The following DNAJB1 variants were observed in gnomAD, a reference collection of about 807,000 sequenced individuals.
DNAJB1 encodes the protein DnaJ heat shock protein family (Hsp40) member B1.
A neutral mutation model predicts 24.0 loss-of-function variants in DNAJB1; 14 were observed. The observed-to-expected ratio is 0.58, with a 90% confidence interval of 0.39 to 0.91. The LOEUF (loss-of-function observed/expected upper bound fraction) is 0.91, where lower values mean the gene tolerates loss of function less well. DNAJB1 is among the 40% of genes least tolerant of loss of function. DNAJB1 has a pLI of 0.00. For missense variants in DNAJB1, 517 were observed against 458.1 expected, an observed-to-expected ratio of 1.13 and a Z score of -1.17; for synonymous variants, 262 against 174.4, an observed-to-expected ratio of 1.50 and a Z score of -3.96.
rs758871595 is a variant in DNAJB1, at chr19:14,518,320, G to A, written c.30C>T (p.Gly10=). The change falls in exon 1 of 3, where the codon GGC becomes GGT. Residue 10 remains glycine, a synonymous_variant. Transcript: ENST00000254322. ...CCTCGTCCGACGCGCCGCGGGCCAG[G>A]CCCAACGTCTGGTAGTAGTCTTTAC... MGKDYYQTL[G]LARGASDEEI... is the part of the protein sequence containing the mutation. 9 of 1,603,460 alleles carry A rather than the reference G, an allele frequency of 5.6e-6. No individual in the cohort carries two copies. Among genetic ancestry groups the A allele is most frequent in the African/African-American group, 2.7e-5 (2 of 74,406 alleles).
chr19:14,537,497 C>G (rs11670622), intron 1 of DNAJB1, among the ~76,000 whole-genome samples: 31,417 of 151,928 alleles, frequency 0.21, 3,564 homozygotes, highest in South Asian at 0.41. Flanking sequence ...TTGGAAAGGC[C>G]TTGCGACTCT....
chr19:14,522,683 GACAC>G (rs56121204), upstream of DNAJB1, among the ~76,000 whole-genome samples: 5,469 of 117,856 alleles, frequency 0.046, 134 homozygotes, highest in African/African-American at 0.082. Flanking sequence ...CACACACACA[GACAC>G]ACACACACAC....
chr19:14,529,039 G>A (rs1255023594), intron 1 of DNAJB1: 1 of 156,830 alleles, frequency 6.4e-6, no homozygotes, highest in Admixed American at 6.2e-5. Flanking sequence ...GGTTCTTGCA[G>A]GTTGGGGGTT....
chr19:14,546,140 A>G (rs914074497), intron 1 of DNAJB1, among the ~76,000 whole-genome samples: 4 of 152,116 alleles, frequency 2.6e-5, no homozygotes, highest in Non-Finnish European at 5.9e-5. Context: ...GTGGTCACAA[A>G]TCTGCTTTCA....
intron 1 of DNAJB1, among the ~76,000 whole-genome samples, chr19:14,555,900 C>G (rs1166196105): frequency 2.0e-5 from 3 of 152,154 alleles, no homozygotes. Flanking sequence ...TTTCACCTCT[C>G]TATAGCTCCC....
chr19:14,555,931 C>T (rs2073706060), intron 1 of DNAJB1, among the ~76,000 whole-genome samples: 4 of 152,092 alleles, frequency 2.6e-5, no homozygotes, highest in African/African-American at 7.2e-5. Context: ...CAGCTTCTGC[C>T]CTCACTCCTC....
At position 14,518,385 on chromosome 19, in the gene DNAJB1, G is replaced by C; in HGVS notation, c.-36C>G. On this transcript the variant is annotated 5_prime_UTR_variant, in exon 1 of 3. Coordinates refer to ENST00000254322, the MANE Select transcript of DNAJB1 (RefSeq NM_006145.3). The stretch of plus-strand genomic sequence containing the variant: ...TGCGGCCCGCCGACCCGCTGTCGCC[G>C]TCCCCCGGCTCCGCCGCCGACCAGT... 3.3e-6 allele frequency: 5 copies of C among 1,519,570 alleles called. No homozygotes were observed. The highest frequency in any genetic ancestry group is 3.5e-6 in the Non-Finnish European group (4 of 1,143,678). The allele number at this position is 1,519,570 out of a possible 1,614,324, so 94.1% of individuals were successfully genotyped here. A position where few individuals can be genotyped will look rare whatever the true frequency, so the allele number is the denominator to read the frequency against.
At chr19:14,543,462 G>A (rs1455254987) in intron 1 of DNAJB1, among the ~76,000 whole-genome samples, 4 of 63,146 alleles carry the variant, frequency 6.3e-5, no homozygotes, top group Admixed American at 2.4e-4. Flanking sequence ...TTTTTGAGAC[G>A]GAGTCTCGCT....
chr19:14,546,366 C>T (rs2073307512), intron 1 of DNAJB1, among the ~76,000 whole-genome samples: 1 of 151,934 alleles, frequency 6.6e-6, no homozygotes, highest in South Asian at 2.1e-4. Context: ...GTGGGCGGAT[C>T]ACTTGAGGTC....
chr19:14,542,978 C>G (rs985135253), intron 1 of DNAJB1, among the ~76,000 whole-genome samples: 6 of 151,104 alleles, frequency 4.0e-5, no homozygotes, highest in African/African-American at 1.5e-4. Context: ...TCTCCTGGGT[C>G]CTTCCAAATT....
At chr19:14,532,205 T>C (rs1186432227), upstream of DNAJB1, 1 of 152,068 alleles carries the variant, frequency 6.6e-6, no homozygotes, top group Non-Finnish European at 1.5e-5. Flanking sequence ...AGACTTGGAC[T>C]GGAGAATATG....
chr19:14,548,066 G>A (rs970235214), intron 1 of DNAJB1, among the ~76,000 whole-genome samples: 1 of 151,346 alleles, frequency 6.6e-6, no homozygotes, highest in Non-Finnish European at 1.5e-5. Flanking sequence ...TGGGTCAAGC[G>A]ATTCTTCTGC....
upstream of DNAJB1, among the ~76,000 whole-genome samples, chr19:14,534,412 C>G (rs889043582): frequency 2.1e-5 from 3 of 144,768 alleles, no homozygotes; most frequent in South Asian, 4.4e-4. Context: ...GAGTGAGCCA[C>G]CATGCCTGGC....
In DNAJB1 at chr19:14,542,347, GTTTTTTTTTT is replaced by G. The variant is rs71166754; in HGVS notation, c.-214+7851_-214+7860del. 4.2e-3 allele frequency among the ~76,000 whole-genome samples: 184 copies of G among 43,308 alleles called. 1 individual carries two copies. The highest frequency in any genetic ancestry group is 0.014 in the African/African-American group (173 of 12,332). The allele number at this position is 43,308 out of a possible 152,430, so 28.4% of individuals were successfully genotyped here. On this transcript the variant is annotated intron_variant, in intron 1 of 3. Transcript: ENST00000676982. ...CCTCAGGGGGCCCTCATGCCATAGTGTTTTTTTTTTTTTTTTTTTTTTTTTTTTTCTGAGA... is the reference window on the plus strand; with the variant it reads ...CCTCAGGGGGCCCTCATGCCATAGTGTTTTTTTTTTTTTTTTTTTCTGAGA...
At chr19:14,518,686 C>T (rs2072324696), upstream of DNAJB1, among the ~76,000 whole-genome samples, 1 of 152,152 alleles carries the variant, frequency 6.6e-6, no homozygotes, top group African/African-American at 2.4e-5. Context: ...CCTTCTTTCC[C>T]TCTCTACGCG....
At chr19:14,539,725 A>G (rs750708621) in intron 1 of DNAJB1, among the ~76,000 whole-genome samples, 14 of 151,800 alleles carry the variant, frequency 9.2e-5, no homozygotes, top group Non-Finnish European at 2.1e-4. Flanking sequence ...TGCTTTCCTC[A>G]TGCCTGGCCC....
rs1437965400 is a variant in DNAJB1 at position 14,516,157 on chromosome 19, C to T, written c.806G>A (p.Cys269Tyr). The stretch of plus-strand genomic sequence containing the variant: ...GTCCAGAGTGGGGACGTTCACTGTG[C>T]AGCCACACAGAGCCTTGAAAAGCAA... ...RISLREALCG[C>Y]TVNVPTLDGR... The change falls in exon 3 of 3, where the codon TGC becomes TAC. Residue 269 changes from cysteine to tyrosine, a missense_variant. Physicochemically the swap from Cys to Tyr is radical, Grantham distance 194. Coordinates refer to ENST00000254322, the MANE Select transcript of DNAJB1 (RefSeq NM_006145.3). The T allele has an allele frequency of 1.9e-6, 3 of 1,613,376 alleles. No homozygotes were observed. Among genetic ancestry groups the T allele is most frequent in the East Asian group, 2.2e-5 (1 of 44,878 alleles).
At chr19:14,525,807 A>G (rs10408656) in intron 2 of DNAJB1, among the ~76,000 whole-genome samples, 26,427 of 151,312 alleles carry the variant, frequency 0.17, 2,670 homozygotes, top group African/African-American at 0.28. Context: ...CTTCAATGAA[A>G]AAAAAAAAAA....
chr19:14,525,804 GAA>G (rs894195199), intron 2 of DNAJB1, among the ~76,000 whole-genome samples: 4 of 139,010 alleles, frequency 2.9e-5, no homozygotes, highest in Non-Finnish European at 1.6e-5. Flanking sequence ...ACACTTCAAT[GAA>G]AAAAAAAAAA....
Sources: allele counts gnomAD v4.1 joint callset (sites outside exome capture counted in the v4.1 genomes callset), GRCh38; gene constraint gnomAD v4.1.1; transcripts MANE v1.5; gene names NCBI Gene and HGNC (gene_info 2026-07-23, HGNC 2026-07-21).